Variants in COL11A2 observed in about 807,000 individuals in gnomAD.
COL11A2 encodes collagen alpha-2(XI) chain.
In COL11A2, 116 loss-of-function variants were observed where a neutral mutation model predicts 273.4. The ratio of observed to expected loss-of-function variants is 0.42; its 90% CI spans 0.36 to 0.49. COL11A2 has a LOEUF of 0.49. Among genes scored for constraint, COL11A2 ranks in the 20% least tolerant of loss-of-function variants. The probability of loss-of-function intolerance (pLI) is 0.00; values close to 1 mark genes in which losing one functional copy is unlikely to be tolerated. For synonymous variants in COL11A2, 782 were observed against 864.2 expected (o/e 0.90, Z 1.67); for missense variants, 1,866 against 2,309.0 (o/e 0.81, Z 3.93).
chr6:33,186,107 C>A (rs1300875881), intron 5 of COL11A2, among the ~76,000 whole-genome samples: 1 of 151,982 alleles, frequency 6.6e-6, no homozygotes, highest in East Asian at 1.9e-4. Context: ...CCTTCCCTTC[C>A]CTTCCCTTCC....
chr6:33,167,340 G>A lies in COL11A2; in HGVS notation c.4123-23C>T. On this transcript the variant is annotated intron_variant, in intron 56 of 65. Coordinates refer to ENST00000341947, the MANE Select transcript of COL11A2 (RefSeq NM_080680.3). This position sits in a 1 kb window ranked among gnomAD's most constrained non-coding sequence, Gnocchi z 6.1. ...ACCCTGAAGATTTGAGGGGGCCACA[G>A]GGGTCAGGAGGAGCATCCCCACACT... 13 of 1,613,190 alleles carry A rather than the reference G, an allele frequency of 8.1e-6. No individual in the cohort carries two copies. The highest frequency in any genetic ancestry group is 1.1e-5 in the Non-Finnish European group (13 of 1,179,964).
chr6:33,170,991 A>G lies in COL11A2; in HGVS notation c.3367-74T>C. The stretch of plus-strand genomic sequence containing the variant: ...GGTCAGGTGTTCTCTATCCACAAAT[A>G]CCACACACAGCTGGGTGCCAGGCCC... On this transcript the variant is annotated intron_variant, in intron 45 of 65. Coordinates refer to ENST00000341947, the MANE Select transcript of COL11A2 (RefSeq NM_080680.3). This position sits in a 1 kb window ranked among gnomAD's most constrained non-coding sequence, Gnocchi z 4.3. The G allele has an allele frequency of 6.3e-7, 1 of 1,584,092 alleles. No homozygotes were observed. The highest frequency in any genetic ancestry group is 1.7e-5 in the Admixed American group (1 of 59,652).
Position 33,192,432 on chromosome 6 carries a change from G to A in COL11A2, c.-192C>T. On this transcript the variant is annotated 5_prime_UTR_variant, in exon 1 of 66. Coordinates refer to ENST00000341947, the MANE Select transcript of COL11A2 (RefSeq NM_080680.3). ...CAGCAAGGCGCCGTCGGGGCTCCCG[G>A]CACTGCTCCCTCCTCGGTGGCTGCC... is the stretch of plus-strand genomic sequence containing the variant. The A allele has an allele frequency of 1.6e-6, 1 of 624,332 alleles. No individual in the cohort carries two copies. The allele number at this position is 624,332 out of a possible 1,614,324, so 38.7% of individuals were successfully genotyped here.
rs931391772 is a variant in COL11A2 at position 33,164,011 on chromosome 6, G to A, written c.5071-193C>T. On this transcript the variant is annotated intron_variant, in intron 65 of 65. Transcript: ENST00000341947. This position sits in a 1 kb window ranked among gnomAD's most constrained non-coding sequence, Gnocchi z 4.7. Reference sequence around the variant, plus strand: ...CCCCACCGTGTGCCTCTGCTGGGCAGCCATGTGCCAGTCTGTGTACACGTC... The same window carrying A: ...CCCCACCGTGTGCCTCTGCTGGGCAACCATGTGCCAGTCTGTGTACACGTC... Among the ~76,000 whole-genome samples the A allele has an allele frequency of 6.6e-6, 1 of 152,176 alleles. No individual in the cohort carries two copies. The highest frequency in any genetic ancestry group is 1.5e-5 in the Non-Finnish European group (1 of 68,030).
Position 33,176,801 on chromosome 6 carries a change from C to G in COL11A2, c.2071-36G>C. 6.2e-7 allele frequency: 1 copy of G among 1,606,796 alleles called. No homozygotes were observed. Among genetic ancestry groups the G allele is most frequent in the South Asian group, 1.1e-5 (1 of 90,080 alleles). On this transcript the variant is annotated intron_variant, in intron 25 of 65. Transcript: ENST00000341947. The surrounding 1 kb of genome is among the most constrained non-coding windows in gnomAD (Gnocchi z 4.9). ...GGGATAGAAAATGTGACCAGTGGCC[C>G]CTGTCACCCTCTCTGCACCCCTCCC...
chr6:33,178,040 G>A lies in COL11A2; in HGVS notation c.1872+92C>T. The A allele has an allele frequency of 7.6e-7, 1 of 1,312,834 alleles. No homozygotes were observed. 81.3% of individuals were successfully genotyped at this position (1,312,834 alleles called of 1,614,324 possible). A position where few individuals can be genotyped will look rare whatever the true frequency, so the allele number is the denominator to read the frequency against. ...TCACAGGGAATGGGAAGCATGCCGA[G>A]AGAGGAGAGGGAGCAGGAAGGCAGC... On this transcript the variant is annotated intron_variant, in intron 21 of 65. Coordinates refer to ENST00000341947, the MANE Select transcript of COL11A2 (RefSeq NM_080680.3). This position sits in a 1 kb window ranked among gnomAD's most constrained non-coding sequence, Gnocchi z 4.6.
At chr6:33,188,211 G>A (rs2150619177) in intron 4 of COL11A2, 151 bp downstream of exon 4, 1 of 951,500 alleles carries the variant, frequency 1.1e-6, no homozygotes, top group South Asian at 1.3e-5. Context: ...GCAGAGAACA[G>A]TAGCCCTGAA....
At position 33,166,421 on chromosome 6, in the gene COL11A2, AG is replaced by A; in HGVS notation, c.4392+91del. 2 of 1,458,938 alleles carry A rather than the reference AG, an allele frequency of 1.4e-6. No individual in the cohort carries two copies. The highest frequency in any genetic ancestry group is 1.9e-6 in the Non-Finnish European group (2 of 1,058,320). The allele number at this position is 1,458,938 out of a possible 1,614,324, so 90.4% of individuals were successfully genotyped here. Reference sequence around the variant, plus strand: ...GGGGACCCTGAGGACTATGCTTGTTAGGCTGGTAGTTCCATGGAAGTCGTTG... The same window carrying A: ...GGGGACCCTGAGGACTATGCTTGTTAGCTGGTAGTTCCATGGAAGTCGTTG... On this transcript the variant is annotated intron_variant, in intron 60 of 65. Coordinates refer to ENST00000341947, the MANE Select transcript of COL11A2 (RefSeq NM_080680.3). This position sits in a 1 kb window ranked among gnomAD's most constrained non-coding sequence, Gnocchi z 4.8.
At position 33,163,755 on chromosome 6, in the gene COL11A2, C is replaced by A. The variant is rs1394246779; in HGVS notation, c.5134G>T (p.Asp1712Tyr). Reference protein sequence around the residue: ...TPVLEQLPVLDASFSDLGAPP... With the variant: ...TPVLEQLPVLYASFSDLGAPP... ...GCTCCCAGGTCTGAGAAGGAGGCAT[C>A]CAGCACTGGCAGCTGCTCCAGCACA... The change falls in exon 66 of 66, where the codon GAT (aspartate) becomes TAT (tyrosine). Residue 1712 changes from aspartate (D) to tyrosine (Y), a missense_variant. Transcript: ENST00000341947. The surrounding 1 kb of genome is among the most constrained non-coding windows in gnomAD (Gnocchi z 4.1). 1.2e-6 allele frequency: 2 copies of A among 1,613,090 alleles called. No homozygotes were observed. Among genetic ancestry groups the A allele is most frequent in the Non-Finnish European group, 1.7e-6 (2 of 1,180,022 alleles).
intron 30 of COL11A2, 44 bp downstream of exon 30, chr6:33,175,530 C>T (rs1770776452): frequency 1.3e-6 from 2 of 1,570,078 alleles, no homozygotes; most frequent in Non-Finnish European, 8.7e-7. Context: ...ACCCCAGTGC[C>T]CACACCCCCA....
chr6:33,174,391 T>A, intron 31 of COL11A2, 136 bp downstream of exon 31: 2 of 1,374,040 alleles, frequency 1.5e-6, no homozygotes, highest in Non-Finnish European at 2.0e-6. Flanking sequence ...CTTTCGGTCA[T>A]CTGTAAAATG....
At position 33,176,449 on chromosome 6, in the gene COL11A2, C is replaced by T; in HGVS notation, c.2153G>A (p.Gly718Glu). ...GTCAGTTACCTTGACCCCTCGAGGT[C>T]CTGGGTATCCTAGAGGTCCCTGAGG... ...SGPQGPLGYP[G>E]PRGVKGVDGI... is the part of the protein sequence containing the mutation. Residue 718 changes from glycine to glutamate, a missense_variant, in exon 27 of 66, where the codon GGA (glycine) becomes GAA (glutamate). By Grantham distance (98) the Gly-to-Glu change is moderately conservative. Coordinates refer to ENST00000341947, the MANE Select transcript of COL11A2 (RefSeq NM_080680.3). This position sits in a 1 kb window ranked among gnomAD's most constrained non-coding sequence, Gnocchi z 4.9. 6.2e-7 allele frequency: 1 copy of T among 1,612,462 alleles called. No homozygotes were observed. The highest frequency in any genetic ancestry group is 8.5e-7 in the Non-Finnish European group (1 of 1,179,776).
rs770599645 is a variant in COL11A2, at chr6:33,169,857, C to A, written c.3664G>T (p.Gly1222Trp). Residue 1222 changes from glycine (G) to tryptophan (W), a missense_variant, in exon 50 of 66, where the codon GGG becomes TGG. Gly to Trp is a radical substitution (Grantham distance 184). Coordinates refer to ENST00000341947, the MANE Select transcript of COL11A2 (RefSeq NM_080680.3). The surrounding 1 kb of genome is among the most constrained non-coding windows in gnomAD (Gnocchi z 5.5). ...KGEPGESGSP[G>W]IQGEPGVKGP... ...TTGACACCTGGCTCGCCCTGGATCC[C>A]TGGAGATCCTGACTCTCCTGGTTCC... 3 of 1,614,030 alleles carry A rather than the reference C, an allele frequency of 1.9e-6. No homozygotes were observed. In the Admixed American group the frequency reaches 5.0e-5, roughly 27 times the overall value.
Position 33,174,016 on chromosome 6 carries a change from G to C in COL11A2, c.2524C>G (p.Pro842Ala). Residue 842 changes from proline (P) to alanine (A), a missense_variant, in exon 33 of 66, where the codon CCC (proline) becomes GCC (alanine). Pro to Ala is a conservative substitution (Grantham distance 27). Coordinates refer to ENST00000341947, the MANE Select transcript of COL11A2 (RefSeq NM_080680.3). ...GKSGPRGERG[P>A]TGPRGQRGPR... is the part of the protein sequence containing the mutation. ...TTTCTCTCCCCTGCACTCACCGTGG[G>C]GCCCCGTTCTCCCCGAGGCCCTGAC... The C allele has an allele frequency of 4.3e-6, 7 of 1,613,938 alleles. No homozygotes were observed. Among genetic ancestry groups the C allele is most frequent in the Non-Finnish European group, 5.1e-6 (6 of 1,179,974 alleles).
intron 3 of COL11A2, 114 bp downstream of exon 3, chr6:33,188,864 G>T: frequency 8.3e-7 from 1 of 1,199,208 alleles, no homozygotes; most frequent in Non-Finnish European, 1.2e-6. Flanking sequence ...GCAGTGGGTA[G>T]GTGTGGTGTG....
In COL11A2 at chr6:33,192,338, T is replaced by C; in HGVS notation, c.-98A>G. 1 of 1,207,240 alleles carries C rather than the reference T, an allele frequency of 8.3e-7. No homozygotes were observed. The highest frequency in any genetic ancestry group is 1.2e-6 in the Non-Finnish European group (1 of 843,238). The allele number at this position is 1,207,240 out of a possible 1,614,324, so 74.8% of individuals were successfully genotyped here. A position where few individuals can be genotyped will look rare whatever the true frequency, so the allele number is the denominator to read the frequency against. ...GAAGACAGGGAGCAGACTATGAGCC[T>C]CAGACGCCGGGGTCCCAGGGAGGTC... is the stretch of plus-strand genomic sequence containing the variant. On this transcript the variant is annotated 5_prime_UTR_variant, in exon 1 of 66. Coordinates refer to ENST00000341947, the MANE Select transcript of COL11A2 (RefSeq NM_080680.3).
chr6:33,174,699 C>T (rs929937000), intron 30 of COL11A2, 119 bp from the exon 31 acceptor site: 17 of 906,260 alleles, frequency 1.9e-5, no homozygotes, highest in African/African-American at 3.3e-5. Context: ...CCCCACACAC[C>T]CCAGCCTCTA....
chr6:33,169,397 G>A lies in COL11A2; in HGVS notation c.3784C>T (p.Pro1262Ser), dbSNP rs770349254. 1 of 1,612,690 alleles carries A rather than the reference G, an allele frequency of 6.2e-7. No homozygotes were observed. The highest frequency in any genetic ancestry group is 2.2e-5 in the East Asian group (1 of 44,870). Residue 1262 changes from proline to serine, a missense_variant, in exon 51 of 66, where the codon CCC becomes TCC. Pro to Ser is a moderately conservative substitution (Grantham distance 74). Transcript: ENST00000341947. The surrounding 1 kb of genome is among the most constrained non-coding windows in gnomAD (Gnocchi z 5.5). ...GPKGPTGDDG[P>S]KGNPGPVGFP... ...CCCAAACTCACAGGGTTCCCTTTGG[G>A]GCCATCATCGCCTGTGGGGCCTTTA...
intron 6 of COL11A2, 141 bp from the exon 7 acceptor site, chr6:33,185,195 C>T: frequency 1.4e-6 from 1 of 713,346 alleles, no homozygotes. Flanking sequence ...TCAGATCTTG[C>T]AGCCCCTTTG....
Sources: allele counts gnomAD v4.1 joint callset (sites outside exome capture counted in the v4.1 genomes callset), GRCh38; gene constraint gnomAD v4.1.1; non-coding constraint Gnocchi (gnomAD v3.1); transcripts MANE v1.5; gene names NCBI Gene and HGNC (gene_info 2026-07-23, HGNC 2026-07-21).